The following WWTR1 variants were observed in gnomAD, a reference collection of about 807,000 sequenced individuals.
WWTR1 encodes WW domain containing transcription regulator 1, also known as WW domain-containing transcription regulator protein 1.
WWTR1 carries 13 observed loss-of-function variants against 40.1 expected under a neutral mutation model. The observed-to-expected ratio is 0.32, with a 90% CI of 0.21 to 0.52. The LOEUF (loss-of-function observed/expected upper bound fraction) is 0.52. Among genes scored for constraint, WWTR1 ranks in the 20% least tolerant of loss-of-function variants. The probability of loss-of-function intolerance (pLI) is 0.97; values close to 1 mark genes in which losing one functional copy is unlikely to be tolerated. For missense variants in WWTR1, 436 were observed against 523.1 expected (o/e 0.83, Z 1.63); for synonymous variants, 230 against 210.1 (o/e 1.09, Z -0.82).
At position 149,632,989 on chromosome 3, in the gene WWTR1, C is replaced by T. The variant is rs116796534; in HGVS notation, c.431+23887G>A. ...GGTGATGAAAATGTTCTAAACCTGACTGTGATGATGGTTGTACATACCTGA... is the reference window on the plus strand; with the variant it reads ...GGTGATGAAAATGTTCTAAACCTGATTGTGATGATGGTTGTACATACCTGA... On this transcript the variant is annotated intron_variant, in intron 2 of 6. Coordinates refer to ENST00000360632, the MANE Select transcript of WWTR1 (RefSeq NM_015472.6). Among the ~76,000 whole-genome samples, 1,117 of 152,288 alleles carry T rather than the reference C, an allele frequency of 7.3e-3. 9 individuals carry two copies. The highest frequency in any genetic ancestry group is 0.015 in the South Asian group (70 of 4,826).
intron 4 of WWTR1, chr3:149,540,079 TACACACACAC>T (rs202144589): frequency 0.055 from 14,944 of 270,556 alleles, 51 homozygotes; most frequent in South Asian, 0.13. Flanking sequence ...TCCTCCTAAC[TACACACACAC>T]ACACACACAC....
At chr3:149,718,603 T>A (rs1380349802) in intron 4 of WWTR1, among the ~76,000 whole-genome samples, 1 of 152,220 alleles carries the variant, frequency 6.6e-6, no homozygotes, top group Non-Finnish European at 1.5e-5. Flanking sequence ...CTTGCAAAAT[T>A]GAAACTCTAT....
At chr3:149,709,981 A>G (rs994476074) in intron 5 of WWTR1, among the ~76,000 whole-genome samples, 1 of 152,148 alleles carries the variant, frequency 6.6e-6, no homozygotes, top group East Asian at 1.9e-4. Flanking sequence ...TTAGGAACGG[A>G]ATGAGGCTGG....
intron 1 of WWTR1, chr3:149,657,538 G>A: frequency 1.8e-6 from 1 of 565,502 alleles, no homozygotes; most frequent in South Asian, 2.4e-5. Flanking sequence ...AAGCAAAGAA[G>A]TTGCCTGGAG....
intron 2 of WWTR1, among the ~76,000 whole-genome samples, chr3:149,626,162 A>C (rs193015491): frequency 2.0e-4 from 31 of 152,346 alleles, no homozygotes; most frequent in African/African-American, 7.0e-4. Flanking sequence ...CAAGGGACCA[A>C]GTCTTAAATT....
chr3:149,590,296 G>C (rs1052845437), intron 2 of WWTR1, among the ~76,000 whole-genome samples: 1 of 152,050 alleles, frequency 6.6e-6, no homozygotes, highest in South Asian at 2.1e-4. Context: ...CCATTTTATG[G>C]CTTCAAAAAT....
chr3:149,573,542 C>G (rs1226229685), intron 2 of WWTR1, among the ~76,000 whole-genome samples: 1 of 152,050 alleles, frequency 6.6e-6, no homozygotes, highest in East Asian at 1.9e-4. Context: ...TTCAAGGTCC[C>G]CAAAGGTGAC....
intron 3 of WWTR1, among the ~76,000 whole-genome samples, chr3:149,558,638 G>T (rs1427614742): frequency 2.0e-5 from 3 of 152,154 alleles, no homozygotes; most frequent in African/African-American, 7.2e-5. Flanking sequence ...TCAATGAGAA[G>T]AACACAACAT....
At chr3:149,668,831 CA>C (rs78830020) in intron 2 of WWTR1, among the ~76,000 whole-genome samples, 1 of 152,204 alleles carries the variant, frequency 6.6e-6, no homozygotes, top group East Asian at 1.9e-4. Context: ...ACCTTGGTTT[CA>C]AATTTTTTTT....
intron 5 of WWTR1, among the ~76,000 whole-genome samples, chr3:149,526,516 A>G (rs545260468): frequency 1.2e-4 from 18 of 152,304 alleles, no homozygotes; most frequent in African/African-American, 4.3e-4. Flanking sequence ...CCAGTTTCTG[A>G]ATAGTGGCTA....
chr3:149,575,033 G>A (rs1387671833), intron 2 of WWTR1, among the ~76,000 whole-genome samples: 1 of 152,086 alleles, frequency 6.6e-6, no homozygotes, highest in African/African-American at 2.4e-5. Flanking sequence ...GGTGGAGGTT[G>A]CAGTGAGTTG....
intron 1 of WWTR1, among the ~76,000 whole-genome samples, chr3:149,678,684 A>T (rs962378345): frequency 4.6e-5 from 7 of 152,126 alleles, no homozygotes; most frequent in Admixed American, 4.6e-4. Context: ...TTTCTCCCTC[A>T]TCTACCAAAT....
chr3:149,566,824 A>AC (rs1283247756), intron 3 of WWTR1, among the ~76,000 whole-genome samples: 4 of 151,972 alleles, frequency 2.6e-5, no homozygotes, highest in South Asian at 2.1e-4. Context: ...AAAAAAAAAA[A>AC]AAACACACAT....
At chr3:149,625,131 GT>G (rs1283351694) in intron 2 of WWTR1, among the ~76,000 whole-genome samples, 1 of 108,370 alleles carries the variant, frequency 9.2e-6, no homozygotes, top group African/African-American at 3.6e-5. Flanking sequence ...GGTTTTTTTG[GT>G]TTTTTTTGTG....
At chr3:149,679,123 G>A (rs997182049) in intron 1 of WWTR1, among the ~76,000 whole-genome samples, 4 of 152,190 alleles carry the variant, frequency 2.6e-5, no homozygotes, top group Admixed American at 6.5e-5. Flanking sequence ...GAGCCACTGC[G>A]CCTGGCCCAA....
rs551563298 is a variant in WWTR1, at chr3:149,603,989, TTAGA to T, written c.432-30993_432-30990del. ...TTGTATTCATGATACATACAGATAA[TTAGA>T]AAGACTGAGTTCATTAAATATATTC... On this transcript the variant is annotated intron_variant, in intron 2 of 6. Coordinates refer to ENST00000360632, the MANE Select transcript of WWTR1 (RefSeq NM_015472.6). Among the ~76,000 whole-genome samples the T allele has an allele frequency of 4.1e-3, 626 of 152,182 alleles. 2 individuals carry two copies. Among genetic ancestry groups the T allele is most frequent in the South Asian group, 0.011 (51 of 4,828 alleles).
rs112356797 is a variant in WWTR1 at position 149,699,270 on chromosome 3, C to T, written c.-108+3854G>A. ...CTTTGTTGCTTAGAAATTTCTTCTG[C>T]CAGATATTCTAGGTCATCATTCTTT... On this transcript the variant is annotated intron_variant, in intron 1 of 7. Coordinates refer to the WWTR1 transcript ENST00000465804. Among the ~76,000 whole-genome samples, 541 of 151,662 alleles carry T rather than the reference C, an allele frequency of 3.6e-3. 5 individuals carry two copies. Among genetic ancestry groups the T allele is most frequent in the African/African-American group, 0.012 (512 of 41,340 alleles).
At chr3:149,663,367 G>T (rs77792536) in intron 2 of WWTR1, among the ~76,000 whole-genome samples, 3 of 151,882 alleles carry the variant, frequency 2.0e-5, no homozygotes, top group Non-Finnish European at 4.4e-5. Flanking sequence ...TCCCCAACTG[G>T]ACTGTAAATA....
intron 5 of WWTR1, among the ~76,000 whole-genome samples, chr3:149,712,498 T>C (rs2108231863): frequency 6.6e-6 from 1 of 152,374 alleles, no homozygotes; most frequent in East Asian, 1.9e-4. Flanking sequence ...AGACAATTCC[T>C]GTGTTGTTAT....
Sources: allele counts gnomAD v4.1 joint callset (sites outside exome capture counted in the v4.1 genomes callset), GRCh38; gene constraint gnomAD v4.1.1; transcripts MANE v1.5; gene names NCBI Gene and HGNC (gene_info 2026-07-23, HGNC 2026-07-21).